Variants in GSE1 observed in about 807,000 individuals in gnomAD.
The protein encoded by GSE1 is Gse1 coiled-coil protein.
In GSE1, 32 loss-of-function variants were observed where a neutral mutation model predicts 112.6. The observed-to-expected ratio is 0.28, with a 90% CI of 0.21 to 0.38. The LOEUF is 0.38. Among genes scored for constraint, GSE1 ranks in the 10% least tolerant of loss-of-function variants. GSE1 has a pLI of 1.00. For synonymous variants in GSE1, 1,115 were observed against 735.6 expected (o/e 1.52, Z -8.35); for missense variants, 2,348 against 1,699.2 (o/e 1.38, Z -6.71).
At chr16:85,617,608 C>CGGTGA (rs1330739460) in intron 1 of GSE1, among the ~76,000 whole-genome samples, 4 of 115,382 alleles carry the variant, frequency 3.5e-5, no homozygotes, top group African/African-American at 6.2e-5. Flanking sequence ...CCCCCCCCCC[C>CGGTGA]CCCGTTAACT....
At position 85,656,660 on chromosome 16, in the gene GSE1, G is replaced by T. The variant is rs918306046; in HGVS notation, c.1307G>T (p.Arg436Leu). 1 of 1,514,514 alleles carries T rather than the reference G, an allele frequency of 6.6e-7. No individual in the cohort carries two copies. Among genetic ancestry groups the T allele is most frequent in the Admixed American group, 2.1e-5 (1 of 47,974 alleles). 93.8% of individuals were successfully genotyped at this position (1,514,514 alleles called of 1,614,324 possible). ...GKPSEQLTPT[R>L]AEKLKDAGLQ... Reference sequence around the variant, plus strand: ...CCCTCGGAGCAGCTGACCCCAACCCGAGCAGGTACCTGGGCGTGGGTGGGC... The same window carrying T: ...CCCTCGGAGCAGCTGACCCCAACCCTAGCAGGTACCTGGGCGTGGGTGGGC... The change falls in exon 7 of 16, where the codon CGA (arginine) becomes CTA (leucine). Residue 436 changes from arginine (R) to leucine (L), a missense_variant. Arg to Leu is a moderately radical substitution (Grantham distance 102). Transcript: ENST00000253458.
At chr16:85,394,303 G>A (rs758676520) in intron 2 of GSE1, among the ~76,000 whole-genome samples, 11 of 152,150 alleles carry the variant, frequency 7.2e-5, no homozygotes, top group Non-Finnish European at 1.5e-4. Flanking sequence ...AGCCATTAGC[G>A]CTCATTAAAG....
chr16:85,631,092 G>A (rs1033843883), intron 1 of GSE1, among the ~76,000 whole-genome samples: 4 of 152,200 alleles, frequency 2.6e-5, no homozygotes, highest in Non-Finnish European at 4.4e-5. Context: ...TGAGTGCCTC[G>A]TTGGGACCAC....
chr16:85,195,624 G>A (rs1241529667), intron 1 of GSE1, among the ~76,000 whole-genome samples: 1 of 152,042 alleles, frequency 6.6e-6, no homozygotes, highest in African/African-American at 2.4e-5. Context: ...ATCCCCTATC[G>A]AGGTAAAGAT....
At chr16:85,555,173 C>G (rs2045138855), upstream of GSE1, 13 of 985,298 alleles carry the variant, frequency 1.3e-5, no homozygotes, top group Non-Finnish European at 1.4e-5. Flanking sequence ...TTAGGGGAGA[C>G]AAATCTGCTG....
At chr16:85,225,260 A>G (rs2075464702) in intron 1 of GSE1, among the ~76,000 whole-genome samples, 1 of 152,216 alleles carries the variant, frequency 6.6e-6, no homozygotes, top group Non-Finnish European at 1.5e-5. Context: ...CTCTGGGAGG[A>G]CTGCCCCATA....
At chr16:85,563,702 G>T (rs1372014713) in intron 1 of GSE1, among the ~76,000 whole-genome samples, 1 of 152,254 alleles carries the variant, frequency 6.6e-6, no homozygotes, top group African/African-American at 2.4e-5. Context: ...CCGCCGCCCA[G>T]TGGGCATTTG....
At chr16:85,621,107 A>G (rs866464006) in intron 1 of GSE1, among the ~76,000 whole-genome samples, 1 of 151,106 alleles carries the variant, frequency 6.6e-6, no homozygotes, top group Non-Finnish European at 1.5e-5. Flanking sequence ...GAACCCGTGT[A>G]GATGGTCTTG....
At chr16:85,222,194 G>A (rs935475566) in intron 1 of GSE1, among the ~76,000 whole-genome samples, 2 of 152,238 alleles carry the variant, frequency 1.3e-5, no homozygotes, top group African/African-American at 4.8e-5. Flanking sequence ...CTGCACTTCA[G>A]TGTAGAGGCC....
intron 2 of GSE1, among the ~76,000 whole-genome samples, chr16:85,550,659 CCA>C (rs2044875313): frequency 6.6e-6 from 1 of 152,194 alleles, no homozygotes; most frequent in African/African-American, 2.4e-5. Flanking sequence ...CGCCTGCACT[CCA>C]GACCCCAGCC....
chr16:85,659,885 A>G (rs916998377), intron 8 of GSE1, among the ~76,000 whole-genome samples: 5 of 152,212 alleles, frequency 3.3e-5, no homozygotes, highest in Non-Finnish European at 5.9e-5. Flanking sequence ...GGCCTCTGCC[A>G]CAGGCCACTT....
intron 2 of GSE1, among the ~76,000 whole-genome samples, chr16:85,638,507 C>T (rs535519116): frequency 1.3e-5 from 2 of 152,306 alleles, no homozygotes; most frequent in East Asian, 1.9e-4. Flanking sequence ...CCGGGCAGGC[C>T]GCTTTGCCTC....
At chr16:85,472,315 G>GC (rs113245920) in intron 2 of GSE1, among the ~76,000 whole-genome samples, 1 of 142,982 alleles carries the variant, frequency 7.0e-6, no homozygotes, top group African/African-American at 2.6e-5. Context: ...CCCTCTGGAG[G>GC]CCTGGGGGGA....
chr16:85,612,707 G>GT (rs1229252463), upstream of GSE1, among the ~76,000 whole-genome samples: 1 of 150,598 alleles, frequency 6.6e-6, no homozygotes, highest in African/African-American at 2.4e-5. Flanking sequence ...CATGGGGGGG[G>GT]TGGGGCTTGG....
intron 1 of GSE1, among the ~76,000 whole-genome samples, chr16:85,325,370 A>G (rs1401504252): frequency 6.6e-6 from 1 of 152,104 alleles, no homozygotes; most frequent in Admixed American, 6.5e-5. Context: ...TTGTCCCTCT[A>G]AGTTCTTCCA....
chr16:85,471,388 C>T (rs527296966), intron 2 of GSE1, among the ~76,000 whole-genome samples: 33 of 152,268 alleles, frequency 2.2e-4, no homozygotes, highest in African/African-American at 7.5e-4. Flanking sequence ...GCTCATAGGC[C>T]TTTCAGCCCA....
intron 2 of GSE1, among the ~76,000 whole-genome samples, chr16:85,440,711 G>A (rs2049354936): frequency 6.6e-6 from 1 of 152,184 alleles, no homozygotes; most frequent in South Asian, 2.1e-4. Context: ...TGGTGCTGAG[G>A]CCCCAGGAAC....
rs1368467545 is a variant in GSE1, at chr16:85,331,705, ATATTTT to A, written c.2284-25756_2284-25751del. ...TGTGTGTATATATATATATATATAT[ATATTTT>A]TTTTTTTTTTTTTTTTAGTTAAGAT... On this transcript the variant is annotated intron_variant, in intron 1 of 2. Transcript: ENST00000637419. Among the ~76,000 whole-genome samples, 37 of 52,862 alleles carry A rather than the reference ATATTTT, an allele frequency of 7.0e-4. 1 individual carries two copies. Among genetic ancestry groups the A allele is most frequent in the East Asian group, 1.5e-3 (3 of 1,998 alleles). The allele number at this position is 52,862 out of a possible 152,430, so 34.7% of individuals were successfully genotyped here. A position where few individuals can be genotyped will look rare whatever the true frequency, so the allele number is the denominator to read the frequency against.
intron 1 of GSE1, among the ~76,000 whole-genome samples, chr16:85,244,206 T>C (rs1283937590): frequency 1.3e-5 from 2 of 152,128 alleles, no homozygotes; most frequent in Non-Finnish European, 2.9e-5. Context: ...GTGGGCCCAG[T>C]GTAATCACAG....
Sources: gnomAD v4.1 joint callset for allele counts (sites outside exome capture counted in the v4.1 genomes callset) on GRCh38, gnomAD v4.1.1 for gene constraint, MANE v1.5 for transcripts, NCBI Gene and HGNC (gene_info 2026-07-23, HGNC 2026-07-21) for gene names.